Variants in UHRF2 observed in about 807,000 individuals in gnomAD.
UHRF2 encodes ubiquitin like with PHD and ring finger domains 2, also known as E3 ubiquitin-protein ligase UHRF2.
UHRF2 carries 23 observed loss-of-function variants against 96.8 expected under a neutral mutation model. The ratio of observed to expected loss-of-function variants is 0.24; its 90% CI spans 0.17 to 0.34. The LOEUF (loss-of-function observed/expected upper bound fraction) is 0.34, where lower values mean the gene tolerates loss of function less well. Among genes scored for constraint, UHRF2 ranks in the 10% least tolerant of loss-of-function variants. UHRF2 has a pLI of 1.00. For missense variants in UHRF2, 685 were observed against 981.5 expected (o/e 0.70, Z 4.04); for synonymous variants, 385 against 332.6 (o/e 1.16, Z -1.72).
intron 10 of UHRF2, chr9:6,496,130 A>G (rs1250716193): frequency 1.3e-5 from 2 of 152,164 alleles, no homozygotes; most frequent in African/African-American, 4.8e-5. Flanking sequence ...TCTTTTCAAT[A>G]GGTTAGTCAT....
chr9:6,437,760 G>A (rs758172422), intron 3 of UHRF2, among the ~76,000 whole-genome samples: 9 of 152,066 alleles, frequency 5.9e-5, no homozygotes, highest in Non-Finnish European at 8.8e-5. Context: ...TAGGATTATA[G>A]GCATGCACCA....
intron 1 of UHRF2, among the ~76,000 whole-genome samples, chr9:6,416,792 G>T (rs955145448): frequency 1.3e-5 from 2 of 152,078 alleles, no homozygotes; most frequent in African/African-American, 4.8e-5. Context: ...CTCCCAAAGT[G>T]CTGGGATTAC....
intron 8 of UHRF2, among the ~76,000 whole-genome samples, chr9:6,482,628 G>T (rs1352250809): frequency 2.1e-5 from 3 of 139,624 alleles, no homozygotes; most frequent in Non-Finnish European, 3.0e-5. Context: ...ATGGAGTCTT[G>T]CTCTGTTGCC....
chr9:6,499,808 G>A (rs1161479578), intron 12 of UHRF2, 27 bp from the exon 13 acceptor site: 4 of 1,548,562 alleles, frequency 2.6e-6, no homozygotes, highest in Non-Finnish European at 2.6e-6. Flanking sequence ...AATCTGCATT[G>A]TACTCTCCCT....
intron 3 of UHRF2, among the ~76,000 whole-genome samples, chr9:6,439,781 G>GC (rs1270481639): frequency 2.0e-5 from 3 of 152,058 alleles, no homozygotes; most frequent in Non-Finnish European, 4.4e-5. Flanking sequence ...ATACAACTTG[G>GC]CTGTGAGAAC....
intron 14 of UHRF2, chr9:6,504,362 T>TA (rs904016835): frequency 2.8e-5 from 9 of 318,618 alleles, no homozygotes; most frequent in African/African-American, 1.7e-4. Flanking sequence ...GAAACATTTT[T>TA]ATTGCTAAAT....
intron 4 of UHRF2, among the ~76,000 whole-genome samples, chr9:6,464,126 A>G (rs1420719536): frequency 6.6e-6 from 1 of 152,166 alleles, no homozygotes; most frequent in Non-Finnish European, 1.5e-5. Context: ...TTCAGTTTCC[A>G]CTAATCAGGT....
At chr9:6,504,832 T>A (rs1816499125) in intron 15 of UHRF2, 141 bp downstream of exon 15, 1 of 564,604 alleles carries the variant, frequency 1.8e-6, no homozygotes, top group African/African-American at 1.9e-5. Context: ...TTTAGTTACG[T>A]CTTGGTGGTA....
chr9:6,443,351 G>T (rs1231320260), intron 3 of UHRF2, among the ~76,000 whole-genome samples: 1 of 151,558 alleles, frequency 6.6e-6, no homozygotes, highest in Non-Finnish European at 1.5e-5. Context: ...AAGTGTAGAT[G>T]TTTTCTTATG....
In UHRF2 at chr9:6,448,908, T is replaced by G. The variant is rs1276499754; in HGVS notation, c.645-11665T>G. On this transcript the variant is annotated intron_variant, in intron 3 of 15. Transcript: ENST00000276893. ...GTTTAGCCAGTGTTTGGATTTTCAA[T>G]TGCGTAGCATTTGTGTTTATTACGG... Among the ~76,000 whole-genome samples the G allele has an allele frequency of 2.0e-5, 3 of 152,234 alleles. No homozygotes were observed. In the East Asian group the frequency reaches 5.8e-4, roughly 29 times the overall value.
rs117953732 is a variant in UHRF2, at chr9:6,502,412, A to T, written c.2163+1703A>T. Among the ~76,000 whole-genome samples, 707 of 152,268 alleles carry T rather than the reference A, an allele frequency of 4.6e-3. 3 individuals are homozygous for T. Among genetic ancestry groups the T allele is most frequent in the Non-Finnish European group, 7.8e-3 (532 of 68,028 alleles). ...CTGTATAAATAGATTCCTCAGAGAG[A>T]TCTTCCCAAACTACCCTTTCTAAAA... is the stretch of plus-strand genomic sequence containing the variant. On this transcript the variant is annotated intron_variant, in intron 14 of 15. Coordinates refer to ENST00000276893, the MANE Select transcript of UHRF2 (RefSeq NM_152896.3).
At chr9:6,502,148 C>CAATT (rs1816324025) in intron 14 of UHRF2, among the ~76,000 whole-genome samples, 1 of 152,196 alleles carries the variant, frequency 6.6e-6, no homozygotes, top group Non-Finnish European at 1.5e-5. Flanking sequence ...TAAATAAATA[C>CAATT]ATATGTGTAT....
chr9:6,446,159 ATT>A (rs35314530), intron 3 of UHRF2, among the ~76,000 whole-genome samples: 31 of 146,956 alleles, frequency 2.1e-4, no homozygotes, highest in South Asian at 4.4e-4. Context: ...CACCTGGATA[ATT>A]TTTTTTTTTT....
In UHRF2 at chr9:6,506,264, G is replaced by A. The variant is rs1221426052; in HGVS notation, c.*85G>A. On this transcript the variant is annotated 3_prime_UTR_variant, in exon 16 of 16. Coordinates refer to ENST00000276893, the MANE Select transcript of UHRF2 (RefSeq NM_152896.3). ...GGGTGGGGAGGGTGGAAGAAATGGT[G>A]GACTGTATCTCTCACGTTCTGAAGC... 1.9e-6 allele frequency: 3 copies of A among 1,538,672 alleles called. No individual in the cohort carries two copies. The highest frequency in any genetic ancestry group is 2.7e-6 in the Non-Finnish European group (3 of 1,131,012).
intron 4 of UHRF2, among the ~76,000 whole-genome samples, chr9:6,467,496 T>C (rs1032325295): frequency 2.0e-5 from 3 of 152,124 alleles, no homozygotes; most frequent in Non-Finnish European, 2.9e-5. Flanking sequence ...GGAATGTTAA[T>C]GTTTTGTTTG....
intron 4 of UHRF2, among the ~76,000 whole-genome samples, chr9:6,469,735 T>TGTATATATATACAC (rs1255384702): frequency 7.9e-6 from 1 of 126,696 alleles, no homozygotes; most frequent in Admixed American, 8.2e-5. Flanking sequence ...CATATATACG[T>TGTATATATATACAC]GTATATATAT....
At chr9:6,500,044 C>G (rs1816201761) in intron 13 of UHRF2, 113 bp downstream of exon 13, 4 of 830,544 alleles carry the variant, frequency 4.8e-6, no homozygotes, top group East Asian at 3.0e-5. Flanking sequence ...AAGATCTTGG[C>G]TCACTGTAGC....
At position 6,425,788 on chromosome 9, in the gene UHRF2, C is replaced by G. The variant is rs142566043; in HGVS notation, c.384+4646C>G. Among the ~76,000 whole-genome samples the G allele has an allele frequency of 8.5e-3, 1,281 of 150,152 alleles. 18 individuals are homozygous for G. Among genetic ancestry groups the G allele is most frequent in the African/African-American group, 0.029 (1,202 of 40,832 alleles). On this transcript the variant is annotated intron_variant, in intron 2 of 15. Transcript: ENST00000276893. ...GTAAATAAATTAAAAAAAAAAAAAT[C>G]AAGATCTCGGCTCTAGGTATGCTTC...
intron 4 of UHRF2, chr9:6,468,662 T>C (rs1470392522): frequency 2.2e-6 from 1 of 455,982 alleles, no homozygotes; most frequent in African/African-American, 2.0e-5. Context: ...CTTTGGGCTT[T>C]GGTTGAATAC....
Sources: allele counts gnomAD v4.1 joint callset (sites outside exome capture counted in the v4.1 genomes callset), GRCh38; gene constraint gnomAD v4.1.1; transcripts MANE v1.5; gene names NCBI Gene and HGNC (gene_info 2026-07-23, HGNC 2026-07-21).